Variants in CSMD3 observed in about 807,000 individuals in gnomAD.
CSMD3 encodes CUB and Sushi multiple domains 3.
Under a neutral mutation model 435.2 loss-of-function variants are expected in CSMD3, and 177 were observed. The ratio of observed to expected loss-of-function variants is 0.41; its 90% CI spans 0.36 to 0.46. The LOEUF (loss-of-function observed/expected upper bound fraction) is 0.46. Ranked by LOEUF, CSMD3 falls within the 20% of genes least tolerant of loss-of-function variation. The pLI is 0.34. For synonymous variants in CSMD3, 1,656 were observed against 1,520.5 expected, an observed-to-expected ratio of 1.09 and a Z score of -2.07; for missense variants, 4,265 against 4,504.6, an observed-to-expected ratio of 0.95 and a Z score of 1.52.
At chr8:112,659,582 G>T (rs1345954474) in intron 17 of CSMD3, among the ~76,000 whole-genome samples, 1 of 152,118 alleles carries the variant, frequency 6.6e-6, no homozygotes, top group Non-Finnish European at 1.5e-5. Flanking sequence ...GATAGGAAAA[G>T]GAACCGAAAA....
At chr8:112,600,728 C>G (rs1217129716) in intron 22 of CSMD3, among the ~76,000 whole-genome samples, 1 of 151,960 alleles carries the variant, frequency 6.6e-6, no homozygotes, top group Non-Finnish European at 1.5e-5. Context: ...CTCTGTCACC[C>G]ATGCTGGAGT....
chr8:112,270,771 C>T (rs1289964067), intron 59 of CSMD3, among the ~76,000 whole-genome samples: 1 of 152,022 alleles, frequency 6.6e-6, no homozygotes, highest in Admixed American at 6.6e-5. Flanking sequence ...GATTATTCCT[C>T]TGATTTGTCA....
intron 13 of CSMD3, among the ~76,000 whole-genome samples, chr8:112,739,281 T>C (rs1220616134): frequency 6.6e-6 from 1 of 151,722 alleles, no homozygotes; most frequent in Non-Finnish European, 1.5e-5. Context: ...TGAGCTTTCA[T>C]ATATAATTTT....
At chr8:112,479,011 G>T (rs764481900) in intron 31 of CSMD3, among the ~76,000 whole-genome samples, 27 of 152,092 alleles carry the variant, frequency 1.8e-4, no homozygotes, top group Non-Finnish European at 1.3e-4. Flanking sequence ...GAGCTGTTCT[G>T]TTGCTCAATA....
intron 32 of CSMD3, among the ~76,000 whole-genome samples, chr8:112,415,746 C>G (rs1466815983): frequency 2.0e-5 from 3 of 152,204 alleles, no homozygotes; most frequent in Non-Finnish European, 4.4e-5. Context: ...CTTCTTGCAT[C>G]AGCGTGACCT....
chr8:112,845,074 G>A (rs758604336), intron 11 of CSMD3, among the ~76,000 whole-genome samples: 12 of 152,020 alleles, frequency 7.9e-5, no homozygotes, highest in Middle Eastern at 3.4e-3. Flanking sequence ...TGCATATTTT[G>A]CCTACTTTGT....
At chr8:113,343,871 G>A (rs2132862095) in intron 1 of CSMD3, among the ~76,000 whole-genome samples, 1 of 152,188 alleles carries the variant, frequency 6.6e-6, no homozygotes, top group African/African-American at 2.4e-5. Flanking sequence ...GGAGATTTGA[G>A]ACCATCCTGA....
intron 16 of CSMD3, among the ~76,000 whole-genome samples, chr8:112,667,057 C>G (rs1008376173): frequency 4.6e-5 from 7 of 152,096 alleles, no homozygotes; most frequent in African/African-American, 1.7e-4. Flanking sequence ...ATTGTATCCT[C>G]TGATTTCCCT....
chr8:112,410,650 G>A (rs1482670610), intron 32 of CSMD3, among the ~76,000 whole-genome samples: 34 of 73,800 alleles, frequency 4.6e-4, no homozygotes, highest in African/African-American at 8.6e-4. Context: ...ATATATATAT[G>A]TGTATATATA....
intron 32 of CSMD3, among the ~76,000 whole-genome samples, chr8:112,422,929 G>A (rs371683577): frequency 5.3e-5 from 8 of 152,134 alleles, no homozygotes; most frequent in Non-Finnish European, 8.8e-5. Context: ...GGTTTTATCA[G>A]TCATTTGGTC....
At chr8:112,623,295 C>T (rs1834221484) in intron 22 of CSMD3, among the ~76,000 whole-genome samples, 1 of 152,002 alleles carries the variant, frequency 6.6e-6, no homozygotes, top group Non-Finnish European at 1.5e-5. Flanking sequence ...ATTCACTTTG[C>T]CTAGCGGGAC....
At chr8:112,747,348 T>G (rs1179087332) in intron 13 of CSMD3, among the ~76,000 whole-genome samples, 1 of 151,848 alleles carries the variant, frequency 6.6e-6, no homozygotes, top group East Asian at 1.9e-4. Flanking sequence ...GCTAACTGCC[T>G]CACAGTTAAG....
chr8:112,388,686 G>A (rs927358276), intron 36 of CSMD3, among the ~76,000 whole-genome samples: 1 of 152,130 alleles, frequency 6.6e-6, no homozygotes, highest in Non-Finnish European at 1.5e-5. Flanking sequence ...TTGCAGCTTA[G>A]GTGAGAGGTC....
chr8:112,638,601 A>G (rs2074730557), intron 21 of CSMD3, 95 bp downstream of exon 21: 2 of 785,760 alleles, frequency 2.5e-6, no homozygotes, highest in African/African-American at 1.7e-5. Context: ...CTCTCCAGCT[A>G]TTTTTCACTG....
At chr8:112,364,791 A>G (rs1402686659) in intron 38 of CSMD3, among the ~76,000 whole-genome samples, 1 of 152,118 alleles carries the variant, frequency 6.6e-6, no homozygotes, top group Non-Finnish European at 1.5e-5. Flanking sequence ...ATTATGCATG[A>G]TATAAAATTA....
intron 12 of CSMD3, among the ~76,000 whole-genome samples, chr8:112,824,640 C>T (rs1417921653): frequency 6.6e-6 from 1 of 152,192 alleles, no homozygotes; most frequent in Non-Finnish European, 1.5e-5. Flanking sequence ...CCCCCATTCT[C>T]TTCTGGCTTG....
chr8:112,464,845 C>T (rs1405318019), intron 32 of CSMD3, among the ~76,000 whole-genome samples: 5 of 152,062 alleles, frequency 3.3e-5, no homozygotes, highest in African/African-American at 7.2e-5. Flanking sequence ...AAGGCACACC[C>T]TATAATCTAA....
intron 18 of CSMD3, 122 bp from the exon 19 acceptor site, chr8:112,650,471 T>A: frequency 1.2e-6 from 1 of 815,046 alleles, no homozygotes; most frequent in Non-Finnish European, 2.1e-6. Context: ...TACTCGTACT[T>A]CATTTTTAAA....
intron 11 of CSMD3, among the ~76,000 whole-genome samples, chr8:112,850,978 G>A (rs907547609): frequency 5.9e-5 from 9 of 152,118 alleles, no homozygotes; most frequent in Admixed American, 6.6e-5. Context: ...TGAGTTTTGT[G>A]TAGTTATTAC....
Sources: gnomAD v4.1 joint callset for allele counts (sites outside exome capture counted in the v4.1 genomes callset) on GRCh38, gnomAD v4.1.1 for gene constraint, MANE v1.5 for transcripts, NCBI Gene and HGNC (gene_info 2026-07-23, HGNC 2026-07-21) for gene names.